Variants in DGKB observed in about 807,000 individuals in gnomAD.
The protein encoded by DGKB is 90 kDa diacylglycerol kinase.
DGKB carries 67 observed loss-of-function variants against 114.3 expected under a neutral mutation model. The observed-to-expected ratio is 0.59, with a 90% CI of 0.48 to 0.72. The LOEUF (loss-of-function observed/expected upper bound fraction) is 0.72. Among genes scored for constraint, DGKB ranks in the 30% least tolerant of loss-of-function variants. DGKB has a pLI of 0.00. For missense variants in DGKB, 907 were observed against 975.2 expected, an observed-to-expected ratio of 0.93 and a Z score of 0.93; for synonymous variants, 398 against 323.1, an observed-to-expected ratio of 1.23 and a Z score of -2.49.
At chr7:14,297,077 C>CA (rs1802715475) in intron 23 of DGKB, among the ~76,000 whole-genome samples, 2 of 151,914 alleles carry the variant, frequency 1.3e-5, no homozygotes, top group East Asian at 1.9e-4. Flanking sequence ...ACCTACAAAC[C>CA]AAAAAAAGCC....
chr7:14,210,224 A>G (rs970614013), intron 23 of DGKB, among the ~76,000 whole-genome samples: 1 of 152,034 alleles, frequency 6.6e-6, no homozygotes, highest in African/African-American at 2.4e-5. Context: ...TATTTATATG[A>G]TACATCTGGT....
chr7:14,734,942 G>A (rs1299287730), intron 5 of DGKB, among the ~76,000 whole-genome samples: 1 of 152,036 alleles, frequency 6.6e-6, no homozygotes, highest in Non-Finnish European at 1.5e-5. Flanking sequence ...AGGCACAGGG[G>A]TTGGGGCGGT....
At chr7:14,416,815 G>T (rs1447685621) in intron 21 of DGKB, among the ~76,000 whole-genome samples, 1 of 151,896 alleles carries the variant, frequency 6.6e-6, no homozygotes, top group African/African-American at 2.4e-5. Context: ...CTTTTTACTG[G>T]GTTTAAATTA....
At chr7:14,463,002 T>C (rs567563590) in intron 21 of DGKB, among the ~76,000 whole-genome samples, 2 of 152,252 alleles carry the variant, frequency 1.3e-5, no homozygotes, top group South Asian at 2.1e-4. Context: ...AAGGATTCCC[T>C]ATTTAAAAAA....
At chr7:14,282,814 C>T (rs916795389) in intron 23 of DGKB, among the ~76,000 whole-genome samples, 3 of 152,212 alleles carry the variant, frequency 2.0e-5, no homozygotes, top group African/African-American at 4.8e-5. Context: ...ATTCAACAAC[C>T]TTTCATGCTA....
intron 2 of DGKB, among the ~76,000 whole-genome samples, chr7:14,777,141 G>A (rs1444106631): frequency 2.0e-5 from 3 of 152,108 alleles, no homozygotes; most frequent in African/African-American, 7.2e-5. Flanking sequence ...CTATTTGGAA[G>A]ACGTGTTTTT....
intron 2 of DGKB, among the ~76,000 whole-genome samples, chr7:14,768,868 C>G (rs1349669807): frequency 1.3e-5 from 2 of 151,880 alleles, no homozygotes; most frequent in Non-Finnish European, 2.9e-5. Flanking sequence ...GCACCTTTCA[C>G]AATCTATGTT....
intron 4 of DGKB, among the ~76,000 whole-genome samples, chr7:14,741,326 G>A (rs900563221): frequency 7.9e-5 from 12 of 152,142 alleles, no homozygotes; most frequent in Admixed American, 4.6e-4. Flanking sequence ...TATATTCTCC[G>A]TAAAGTTTTG....
intron 13 of DGKB, among the ~76,000 whole-genome samples, chr7:14,650,436 C>G (rs1480449443): frequency 2.7e-5 from 1 of 36,766 alleles, no homozygotes. Flanking sequence ...TAAAGATGTT[C>G]TTTGAAACCA....
At chr7:14,949,286 G>A (rs1335911215) in intron 1 of DGKB, among the ~76,000 whole-genome samples, 1 of 151,958 alleles carries the variant, frequency 6.6e-6, no homozygotes, top group Non-Finnish European at 1.5e-5. Flanking sequence ...ACATGTTGGA[G>A]ATGACTTATA....
intron 2 of DGKB, among the ~76,000 whole-genome samples, chr7:14,839,487 A>T (rs1478122464): frequency 6.9e-6 from 1 of 144,002 alleles, no homozygotes; most frequent in Non-Finnish European, 1.5e-5. Flanking sequence ...CTGCAGCCTC[A>T]GCCTCCTGGG....
intron 21 of DGKB, among the ~76,000 whole-genome samples, chr7:14,398,047 A>G (rs913612907): frequency 6.6e-6 from 1 of 151,868 alleles, no homozygotes; most frequent in Non-Finnish European, 1.5e-5. Context: ...CAATATAAAC[A>G]TTGGAATCAC....
At chr7:14,309,655 C>T (rs1805043796) in intron 23 of DGKB, among the ~76,000 whole-genome samples, 1 of 152,122 alleles carries the variant, frequency 6.6e-6, no homozygotes, top group Non-Finnish European at 1.5e-5. Context: ...TATCTTCTAC[C>T]CACTTGAAGT....
At chr7:14,300,613 A>C (rs1803371402) in intron 23 of DGKB, among the ~76,000 whole-genome samples, 1 of 151,960 alleles carries the variant, frequency 6.6e-6, no homozygotes, top group Admixed American at 6.6e-5. Context: ...ATATTCTCTT[A>C]GTTTTATATT....
chr7:14,267,410 C>G (rs1797669733), intron 23 of DGKB, among the ~76,000 whole-genome samples: 1 of 151,756 alleles, frequency 6.6e-6, no homozygotes, highest in Non-Finnish European at 1.5e-5. Flanking sequence ...CCACGTAGAG[C>G]AGAAAGATGA....
At chr7:14,409,258 T>C (rs760597765) in intron 21 of DGKB, among the ~76,000 whole-genome samples, 5 of 152,128 alleles carry the variant, frequency 3.3e-5, no homozygotes, top group African/African-American at 4.8e-5. Flanking sequence ...GTAAATTCCG[T>C]AGCACAGTAA....
intron 12 of DGKB, among the ~76,000 whole-genome samples, chr7:14,681,266 A>G (rs1358473429): frequency 6.6e-6 from 1 of 152,152 alleles, no homozygotes; most frequent in Non-Finnish European, 1.5e-5. Flanking sequence ...ACACTTTTAA[A>G]AAACTATCTT....
chr7:14,963,544 T>C (rs1231206545), intron 1 of DGKB, among the ~76,000 whole-genome samples: 1 of 152,222 alleles, frequency 6.6e-6, no homozygotes, highest in Admixed American at 6.6e-5. Context: ...AACCCTTTTA[T>C]GAATAATTAA....
At chr7:14,696,328 C>T (rs1355098759) in intron 8 of DGKB, among the ~76,000 whole-genome samples, 1 of 151,160 alleles carries the variant, frequency 6.6e-6, no homozygotes, top group African/African-American at 2.4e-5. Context: ...CCCGTCTCTA[C>T]TAAAAATACA....
Sources: allele counts gnomAD v4.1 joint callset (sites outside exome capture counted in the v4.1 genomes callset), GRCh38; gene constraint gnomAD v4.1.1; transcripts MANE v1.5; gene names NCBI Gene and HGNC (gene_info 2026-07-23, HGNC 2026-07-21).